Variants in TBX4 observed in about 807,000 individuals in gnomAD.
The protein encoded by TBX4 is T-box transcription factor TBX4.
A neutral mutation model predicts 54.6 loss-of-function variants in TBX4; 13 were observed. The ratio of observed to expected loss-of-function variants is 0.24; its 90% confidence interval spans 0.15 to 0.38. TBX4 has a LOEUF of 0.38. TBX4 is among the 10% of genes least tolerant of loss of function. TBX4 has a pLI of 1.00. For synonymous variants in TBX4, 314 were observed against 306.7 expected (o/e 1.02, Z -0.25); for missense variants, 631 against 728.5 (o/e 0.87, Z 1.54).
At position 61,460,329 on chromosome 17, in the gene TBX4, G is replaced by A. The variant is rs1000625971; in HGVS notation, c.281+2698G>A. 1 of 152,234 alleles carries A rather than the reference G, an allele frequency of 6.6e-6. No individual in the cohort carries two copies. The highest frequency in any genetic ancestry group is 1.5e-5 in the Non-Finnish European group (1 of 68,062). 9.4% of individuals were successfully genotyped at this position (152,234 alleles called of 1,614,324 possible). On this transcript the variant is annotated intron_variant, in intron 3 of 8. Transcript: ENST00000644296. This position sits in a 1 kb window ranked among gnomAD's most constrained non-coding sequence, Gnocchi z 4.4. The stretch of plus-strand genomic sequence containing the variant: ...CTGGGTAGGAGCAGGCCCTGGAAAA[G>A]GGGAGCCAGAATGTTCTCAAGCCAG...
Position 61,483,613 on chromosome 17 carries a change from A to AGTGT in TBX4, c.*134_*137dup, listed in dbSNP as rs149977669. ...ACCAAGAAACACAGGAAGGTATTCC[A>AGTGT]GTGTGTGTGTGTGTGTGTGTGTGTG... is the stretch of plus-strand genomic sequence containing the variant. On this transcript the variant is annotated 3_prime_UTR_variant, in exon 9 of 9. Transcript: ENST00000644296. This position sits in a 1 kb window ranked among gnomAD's most constrained non-coding sequence, Gnocchi z 6.6. The AGTGT allele has an allele frequency of 0.064, 50,114 of 777,888 alleles. 655 individuals carry two copies. The highest frequency in any genetic ancestry group is 0.09 in the South Asian group (5,129 of 56,684). The allele number at this position is 777,888 out of a possible 1,614,324, so 48.2% of individuals were successfully genotyped here. A position where few individuals can be genotyped will look rare whatever the true frequency, so the allele number is the denominator to read the frequency against.
Position 61,479,796 on chromosome 17 carries a change from A to G in TBX4, c.703-85A>G. On this transcript the variant is annotated intron_variant, in intron 6 of 8. Coordinates refer to ENST00000644296, the MANE Select transcript of TBX4 (RefSeq NM_001321120.2). The surrounding 1 kb of genome is among the most constrained non-coding windows in gnomAD (Gnocchi z 6.1). Reference sequence around the variant, plus strand: ...GCGACCCCTGAGGGAGGGAGGTTACATGTTATGATCCCATTTACAAATGTG... The same window carrying G: ...GCGACCCCTGAGGGAGGGAGGTTACGTGTTATGATCCCATTTACAAATGTG... 1 of 1,371,012 alleles carries G rather than the reference A, an allele frequency of 7.3e-7. No homozygotes were observed. Among genetic ancestry groups the G allele is most frequent in the Admixed American group, 1.7e-5 (1 of 59,618 alleles). 84.9% of individuals were successfully genotyped at this position (1,371,012 alleles called of 1,614,324 possible).
chr17:61,482,177 T>C (rs1245949748), intron 8 of TBX4, among the ~76,000 whole-genome samples: 1 of 152,192 alleles, frequency 6.6e-6, no homozygotes, highest in Non-Finnish European at 1.5e-5. Flanking sequence ...AGGCCCTCCT[T>C]GTGGAGGATG....
chr17:61,467,470 C>T (rs1417633444), intron 4 of TBX4, 40 bp from the exon 5 acceptor site: 1 of 1,614,046 alleles, frequency 6.2e-7, no homozygotes, highest in Non-Finnish European at 8.5e-7. Context: ...CCTCACCAGC[C>T]CCTGGAGTAA....
chr17:61,456,516 A>G lies in TBX4; in HGVS notation c.26A>G (p.Glu9Gly). 1 of 1,567,820 alleles carries G rather than the reference A, an allele frequency of 6.4e-7. No homozygotes were observed. Among genetic ancestry groups the G allele is most frequent in the East Asian group, 2.4e-5 (1 of 42,290 alleles). MLQDKGLSESEEAFRAPGP... is the reference protein window; with the variant it reads MLQDKGLSGSEEAFRAPGP... ...ATGCTGCAGGATAAGGGCCTGTCCG[A>G]GAGCGAGGAGGCCTTCCGGGCCCCG... Residue 9 changes from glutamate (E) to glycine (G), a missense_variant, in exon 2 of 9, where the codon GAG becomes GGG. Coordinates refer to ENST00000644296, the MANE Select transcript of TBX4 (RefSeq NM_001321120.2).
In TBX4 at chr17:61,484,474, G is replaced by A. The variant is rs2060688965; in HGVS notation, c.*958G>A. The A allele has an allele frequency of 6.6e-6, 1 of 152,104 alleles. No individual in the cohort carries two copies. Among genetic ancestry groups the A allele is most frequent in the South Asian group, 2.1e-4 (1 of 4,830 alleles). 9.4% of individuals were successfully genotyped at this position (152,104 alleles called of 1,614,324 possible). A position where few individuals can be genotyped will look rare whatever the true frequency, so the allele number is the denominator to read the frequency against. On this transcript the variant is annotated 3_prime_UTR_variant, in exon 9 of 9. Transcript: ENST00000644296. The surrounding 1 kb of genome is among the most constrained non-coding windows in gnomAD (Gnocchi z 4.1). ...GGAGCTGATGTCTGGCATCTCCAGG[G>A]CCTGTTCTGCTCTCAGAAAATCTAC...
At position 61,480,071 on chromosome 17, in the gene TBX4, G is replaced by A; in HGVS notation, c.792-19G>A. On this transcript the variant is annotated intron_variant, in intron 7 of 8. Transcript: ENST00000644296. The surrounding 1 kb of genome is among the most constrained non-coding windows in gnomAD (Gnocchi z 6.2). ...TCACTCTCTTCCTGTCTCTCCTCCT[G>A]TCCTCCCCACCCCTTCAGCAAAGAA... 4 of 1,612,836 alleles carry A rather than the reference G, an allele frequency of 2.5e-6. No individual in the cohort carries two copies. Among genetic ancestry groups the A allele is most frequent in the Non-Finnish European group, 3.4e-6 (4 of 1,178,992 alleles).
rs1238623568 is a variant in TBX4, at chr17:61,475,721, G to T, written c.550-2906G>T. Among the ~76,000 whole-genome samples the T allele has an allele frequency of 2.0e-5, 3 of 152,164 alleles. No individual in the cohort carries two copies. ...GTGTCACAGGAGCAGGGTGGCTGCT[G>T]CCATGTGTCCTAGTGTCCTGCACAG... On this transcript the variant is annotated intron_variant, in intron 5 of 8. Coordinates refer to ENST00000644296, the MANE Select transcript of TBX4 (RefSeq NM_001321120.2). The surrounding 1 kb of genome is among the most constrained non-coding windows in gnomAD (Gnocchi z 5.0).
At chr17:61,471,907 T>TTTA in intron 5 of TBX4, among the ~76,000 whole-genome samples, 1 of 145,182 alleles carries the variant, frequency 6.9e-6, no homozygotes, top group Non-Finnish European at 1.5e-5. Flanking sequence ...TTTTTTTTTT[T>TTTA]TTTTTTTTTT....
Position 61,478,436 on chromosome 17 carries a change from C to G in TBX4, c.550-191C>G. 1 of 682,540 alleles carries G rather than the reference C, an allele frequency of 1.5e-6. No homozygotes were observed. The highest frequency in any genetic ancestry group is 2.5e-6 in the Non-Finnish European group (1 of 398,048). The allele number at this position is 682,540 out of a possible 1,614,324, so 42.3% of individuals were successfully genotyped here. On this transcript the variant is annotated intron_variant, in intron 5 of 8. Transcript: ENST00000644296. The surrounding 1 kb of genome is among the most constrained non-coding windows in gnomAD (Gnocchi z 7.4). Reference sequence around the variant, plus strand: ...GCTGGTGCAGAGAGGCTAAGTAGGGCTGGGGTGGGGAGAGTTTGGGGCCCA... The same window carrying G: ...GCTGGTGCAGAGAGGCTAAGTAGGGGTGGGGTGGGGAGAGTTTGGGGCCCA...
In TBX4 at chr17:61,484,758, ATATATAT is replaced by A. The variant is rs975316836; in HGVS notation, c.*1250_*1256del. 2.0e-5 allele frequency: 3 copies of A among 147,860 alleles called. No homozygotes were observed. The highest frequency in any genetic ancestry group is 7.4e-5 in the African/African-American group (3 of 40,688). 9.2% of individuals were successfully genotyped at this position (147,860 alleles called of 1,614,324 possible). A position where few individuals can be genotyped will look rare whatever the true frequency, so the allele number is the denominator to read the frequency against. On this transcript the variant is annotated 3_prime_UTR_variant, in exon 9 of 9. Transcript: ENST00000644296. This position sits in a 1 kb window ranked among gnomAD's most constrained non-coding sequence, Gnocchi z 4.1. ...TTATATATTATATAAATAAATAAAT[ATATATAT>A]TATATATCGCTCTCTCTCACAAATG... is the stretch of plus-strand genomic sequence containing the variant.
intron 5 of TBX4, among the ~76,000 whole-genome samples, chr17:61,470,303 G>A (rs1181830692): frequency 6.6e-6 from 1 of 152,294 alleles, no homozygotes; most frequent in African/African-American, 2.4e-5. Flanking sequence ...CTGTCGGGGA[G>A]GGGGTGTGGA....
chr17:61,480,398 C>G lies in TBX4; in HGVS notation c.1021+79C>G, dbSNP rs1000507548. 10 of 1,140,724 alleles carry G rather than the reference C, an allele frequency of 8.8e-6. No homozygotes were observed. The highest frequency in any genetic ancestry group is 2.0e-5 in the Admixed American group (1 of 50,438). The allele number at this position is 1,140,724 out of a possible 1,614,324, so 70.7% of individuals were successfully genotyped here. On this transcript the variant is annotated intron_variant, in intron 8 of 8. Coordinates refer to ENST00000644296, the MANE Select transcript of TBX4 (RefSeq NM_001321120.2). The surrounding 1 kb of genome is among the most constrained non-coding windows in gnomAD (Gnocchi z 6.2). ...TCCCCGAAACCACTCTGCAGCGCCC[C>G]CCCCCCCAACACACACACACTCATC...
chr17:61,465,777 T>C lies in TBX4; in HGVS notation c.282-42T>C. The stretch of plus-strand genomic sequence containing the variant: ...GCTCACTCTGTTCCATCTCTCCTGG[T>C]GCTCTGTCCACACGCTCCGCCTCAC... On this transcript the variant is annotated intron_variant, in intron 3 of 8. Coordinates refer to ENST00000644296, the MANE Select transcript of TBX4 (RefSeq NM_001321120.2). The surrounding 1 kb of genome is among the most constrained non-coding windows in gnomAD (Gnocchi z 4.9). 6.2e-7 allele frequency: 1 copy of C among 1,612,716 alleles called. No individual in the cohort carries two copies. Among genetic ancestry groups the C allele is most frequent in the Non-Finnish European group, 8.5e-7 (1 of 1,179,202 alleles).
chr17:61,483,134 T>A lies in TBX4; in HGVS notation c.1259T>A (p.Met420Lys), dbSNP rs1053263668. Reference protein sequence around the residue: ...DLPPPPLSCNMWTSVSPYTSY... With the variant: ...DLPPPPLSCNKWTSVSPYTSY... ...CCCCCACCTCCGCTGAGCTGTAACA[T>A]GTGGACTTCAGTGTCGCCGTACACC... Residue 420 changes from methionine to lysine, a missense_variant, in exon 9 of 9, where the codon ATG becomes AAG. Transcript: ENST00000644296. This position sits in a 1 kb window ranked among gnomAD's most constrained non-coding sequence, Gnocchi z 6.6. 1 of 1,613,992 alleles carries A rather than the reference T, an allele frequency of 6.2e-7. No individual in the cohort carries two copies. Among genetic ancestry groups the A allele is most frequent in the African/African-American group, 1.3e-5 (1 of 74,898 alleles).
chr17:61,455,645 T>C (rs2060442466), intron 1 of TBX4, among the ~76,000 whole-genome samples: 1 of 152,110 alleles, frequency 6.6e-6, no homozygotes, highest in Non-Finnish European at 1.5e-5. Flanking sequence ...GGTCCTTCAC[T>C]GGGAAGGGTG....
intron 5 of TBX4, among the ~76,000 whole-genome samples, chr17:61,473,440 A>AATC (rs2060595371): frequency 6.6e-6 from 1 of 152,236 alleles, no homozygotes; most frequent in African/African-American, 2.4e-5. Context: ...AGGGGGTGGT[A>AATC]ATCAGACAGC....
intron 3 of TBX4, among the ~76,000 whole-genome samples, chr17:61,458,240 G>T (rs1218946150): frequency 1.3e-5 from 2 of 150,898 alleles, no homozygotes; most frequent in African/African-American, 4.9e-5. Context: ...TTTAAAATGC[G>T]CTGGTGTCTG....
At chr17:61,477,198 C>T (rs908348790) in intron 5 of TBX4, among the ~76,000 whole-genome samples, 1 of 152,254 alleles carries the variant, frequency 6.6e-6, no homozygotes, top group Admixed American at 6.5e-5. Context: ...TTAACAGAAG[C>T]CGCAGGGCTG....
Sources: gnomAD v4.1 joint callset for allele counts (sites outside exome capture counted in the v4.1 genomes callset) on GRCh38, gnomAD v4.1.1 for gene constraint, Gnocchi (gnomAD v3.1) non-coding constraint, MANE v1.5 for transcripts, NCBI Gene and HGNC (gene_info 2026-07-23, HGNC 2026-07-21) for gene names.